PRKG1: variants seen among roughly 807,000 people sequenced by gnomAD.
PRKG1 encodes cGMP-dependent protein kinase 1.
Under a neutral mutation model 88.1 loss-of-function variants are expected in PRKG1, and 35 were observed. The ratio of observed to expected loss-of-function variants is 0.40; its 90% CI spans 0.30 to 0.53. The LOEUF (loss-of-function observed/expected upper bound fraction) is 0.53, where lower values mean the gene tolerates loss of function less well. Ranked by LOEUF, PRKG1 falls within the 20% of genes least tolerant of loss-of-function variation. PRKG1 has a pLI of 0.59. For synonymous variants in PRKG1, 303 were observed against 292.5 expected (o/e 1.04, Z -0.37); for missense variants, 540 against 839.8 (o/e 0.64, Z 4.41).
chr10:51,222,120 G>A (rs915723106), intron 2 of PRKG1, among the ~76,000 whole-genome samples: 10 of 120,690 alleles, frequency 8.3e-5, no homozygotes, highest in African/African-American at 2.4e-4. Flanking sequence ...CACGTGATCC[G>A]CGCCCCCCCC....
chr10:51,321,651 C>T (rs3851089), intron 2 of PRKG1, among the ~76,000 whole-genome samples: 2,769 of 151,710 alleles, frequency 0.018, 36 homozygotes, highest in Admixed American at 0.031. Flanking sequence ...TTAATGGGTA[C>T]GAAAAATAGT....
chr10:51,460,613 T>G (rs1033941467), intron 2 of PRKG1, among the ~76,000 whole-genome samples: 1 of 152,172 alleles, frequency 6.6e-6, no homozygotes, highest in African/African-American at 2.4e-5. Flanking sequence ...CAAACACTTA[T>G]CTAGTGCTTG....
At chr10:52,086,607 G>T (rs1564463134) in intron 7 of PRKG1, among the ~76,000 whole-genome samples, 1 of 151,982 alleles carries the variant, frequency 6.6e-6, no homozygotes, top group Non-Finnish European at 1.5e-5. Flanking sequence ...GTTTCACCGT[G>T]TTGGCCAGGC....
intron 2 of PRKG1, among the ~76,000 whole-genome samples, chr10:51,403,448 T>C (rs560803580): frequency 1.3e-5 from 2 of 152,306 alleles, no homozygotes; most frequent in African/African-American, 4.8e-5. Flanking sequence ...GTGTCAAAAA[T>C]GTCCATATAT....
intron 5 of PRKG1, among the ~76,000 whole-genome samples, chr10:52,043,925 A>AAAC (rs1399536883): frequency 6.7e-6 from 1 of 149,296 alleles, no homozygotes; most frequent in Non-Finnish European, 1.5e-5. Flanking sequence ...TAGAAAAAAA[A>AAAC]AAAAAACCCA....
intron 1 of PRKG1, among the ~76,000 whole-genome samples, chr10:51,016,055 G>A (rs778283571): frequency 5.9e-5 from 9 of 152,206 alleles, no homozygotes; most frequent in Admixed American, 2.0e-4. Flanking sequence ...TCATCTGAGT[G>A]ATACATTCTG....
intron 2 of PRKG1, among the ~76,000 whole-genome samples, chr10:51,269,395 T>C (rs1564663118): frequency 6.6e-6 from 1 of 152,088 alleles, no homozygotes; most frequent in East Asian, 1.9e-4. Context: ...TGTCATTGTA[T>C]AAAAAAGGCA....
intron 3 of PRKG1, among the ~76,000 whole-genome samples, chr10:51,761,468 T>C (rs964010486): frequency 6.6e-6 from 1 of 152,196 alleles, no homozygotes; most frequent in Non-Finnish European, 1.5e-5. Flanking sequence ...TCCAATCTAC[T>C]TGAATGAGCT....
intron 5 of PRKG1, among the ~76,000 whole-genome samples, chr10:52,036,574 C>A (rs1217242778): frequency 1.3e-5 from 2 of 151,742 alleles, no homozygotes; most frequent in African/African-American, 2.4e-5. Flanking sequence ...CATGATTGGT[C>A]GCCAAGGAGG....
At chr10:52,241,097 A>G (rs1283973801) in intron 9 of PRKG1, among the ~76,000 whole-genome samples, 1 of 152,108 alleles carries the variant, frequency 6.6e-6, no homozygotes, top group Non-Finnish European at 1.5e-5. Context: ...TTATAGTTCT[A>G]TTTCAAACAT....
chr10:52,264,469 T>C (rs1841521965), intron 10 of PRKG1, among the ~76,000 whole-genome samples: 1 of 152,026 alleles, frequency 6.6e-6, no homozygotes, highest in Non-Finnish European at 1.5e-5. Context: ...ATTCCTTAAG[T>C]TATCACAATT....
intron 3 of PRKG1, among the ~76,000 whole-genome samples, chr10:51,794,015 C>T (rs1838943987): frequency 6.6e-6 from 1 of 152,064 alleles, no homozygotes; most frequent in Non-Finnish European, 1.5e-5. Flanking sequence ...CTGCCCAGCT[C>T]AGTCTCTCAA....
At chr10:52,138,182 C>T (rs2132644452) in intron 8 of PRKG1, among the ~76,000 whole-genome samples, 1 of 152,010 alleles carries the variant, frequency 6.6e-6, no homozygotes, top group East Asian at 1.9e-4. Context: ...CTCTTCTGCC[C>T]CAGTTGTCTG....
At chr10:51,487,262 T>A (rs1326423746) in intron 3 of PRKG1, among the ~76,000 whole-genome samples, 2 of 152,184 alleles carry the variant, frequency 1.3e-5, no homozygotes, top group South Asian at 2.1e-4. Flanking sequence ...ATGTTTAAAA[T>A]ATGAATATTA....
At chr10:51,318,185 A>G (rs1267860916) in intron 2 of PRKG1, among the ~76,000 whole-genome samples, 1 of 152,156 alleles carries the variant, frequency 6.6e-6, no homozygotes. Context: ...GTAGGCATTC[A>G]GTAGATATCT....
intron 5 of PRKG1, among the ~76,000 whole-genome samples, chr10:52,006,816 CATAAT>C (rs1844747934): frequency 1.3e-5 from 2 of 152,178 alleles, no homozygotes; most frequent in African/African-American, 4.8e-5. Context: ...TCCTAAGTGA[CATAAT>C]GATTACATTC....
At chr10:51,103,708 A>C (rs576147760) in intron 1 of PRKG1, among the ~76,000 whole-genome samples, 1 of 152,308 alleles carries the variant, frequency 6.6e-6, no homozygotes, top group Non-Finnish European at 1.5e-5. Context: ...GGAAGTGTCA[A>C]GCTTCAGGAG....
intron 2 of PRKG1, among the ~76,000 whole-genome samples, chr10:51,195,450 G>A (rs947635474): frequency 2.0e-5 from 3 of 152,136 alleles, no homozygotes; most frequent in Non-Finnish European, 2.9e-5. Context: ...ATAGTAACAA[G>A]TGTCACATTC....
intron 9 of PRKG1, among the ~76,000 whole-genome samples, chr10:52,223,294 C>T (rs540513668): frequency 2.0e-5 from 3 of 152,050 alleles, no homozygotes; most frequent in Middle Eastern, 3.4e-3. Context: ...TAGTGACCTC[C>T]GACTTCTGAA....
Sources: gnomAD v4.1 joint callset for allele counts (sites outside exome capture counted in the v4.1 genomes callset) on GRCh38, gnomAD v4.1.1 for gene constraint, MANE v1.5 for transcripts, NCBI Gene and HGNC (gene_info 2026-07-23, HGNC 2026-07-21) for gene names.